Variants in NRXN3 observed in about 807,000 individuals in gnomAD.
NRXN3 encodes neurexin III.
NRXN3 carries 32 observed loss-of-function variants against 137.6 expected under a neutral mutation model. That is an observed-to-expected ratio of 0.23 (90% CI 0.18 to 0.31). The LOEUF (loss-of-function observed/expected upper bound fraction) is 0.31, where lower values mean the gene tolerates loss of function less well. Ranked by LOEUF, NRXN3 falls within the 10% of genes least tolerant of loss-of-function variation. The probability of loss-of-function intolerance (pLI) is 1.00; values close to 1 mark genes in which losing one functional copy is unlikely to be tolerated. For missense variants in NRXN3, 1,574 were observed against 2,062.5 expected (o/e 0.76, Z 4.59); for synonymous variants, 798 against 784.5 (o/e 1.02, Z -0.29).
intron 10 of NRXN3, among the ~76,000 whole-genome samples, chr14:78,939,627 T>C (rs150777): frequency 0.012 from 1,827 of 152,330 alleles, 40 homozygotes; most frequent in African/African-American, 0.042. Flanking sequence ...TGACTAGATA[T>C]ATGTTTTATC....
chr14:79,853,767 A>G, intron 20 of NRXN3: 5 of 1,036,084 alleles, frequency 4.8e-6, no homozygotes, highest in Non-Finnish European at 5.8e-6. Context: ...ATTTGTCAAA[A>G]AGACAAAAAA....
At position 78,771,490 on chromosome 14, in the gene NRXN3, C is replaced by T. The variant is rs139524214; in HGVS notation, c.2045-32130C>T. ...TGCTGAGATGTATATTTCTGATGGC[C>T]TCTTCAAGGTGCAGAGAAAGAAGAT... On this transcript the variant is annotated intron_variant, in intron 8 of 20. Coordinates refer to ENST00000335750, the MANE Select transcript of NRXN3 (RefSeq NM_001330195.2). Among the ~76,000 whole-genome samples the T allele has an allele frequency of 5.8e-4, 89 of 152,282 alleles. No individual in the cohort carries two copies. The East Asian group carries it at 0.013, about 22-fold the overall frequency.
intron 15 of NRXN3, among the ~76,000 whole-genome samples, chr14:79,465,709 T>C (rs2096412451): frequency 6.6e-6 from 1 of 152,184 alleles, no homozygotes; most frequent in African/African-American, 2.4e-5. Flanking sequence ...AGATTTTTAG[T>C]AAATGTAAAA....
At chr14:78,806,385 G>A (rs977949713) in intron 9 of NRXN3, among the ~76,000 whole-genome samples, 23 of 152,036 alleles carry the variant, frequency 1.5e-4, no homozygotes, top group Non-Finnish European at 2.8e-4. Flanking sequence ...TCTCTTTGCC[G>A]TGAATTTGTG....
chr14:78,309,337 A>T (rs2077708997), intron 4 of NRXN3, among the ~76,000 whole-genome samples: 1 of 151,504 alleles, frequency 6.6e-6, no homozygotes, highest in Non-Finnish European at 1.5e-5. Context: ...ATATGTGCAG[A>T]TTTGTTATAC....
Position 78,527,883 on chromosome 14 carries a change from A to T in NRXN3, c.758-117237A>T, listed in dbSNP as rs114846619. ...TTCTTAAAAAGATTATCATTTGCTT[A>T]TTTTCTTCCTCCTCTGTGAAGTAAA... On this transcript the variant is annotated intron_variant, in intron 4 of 20. Coordinates refer to ENST00000335750, the MANE Select transcript of NRXN3 (RefSeq NM_001330195.2). 8.4e-3 allele frequency among the ~76,000 whole-genome samples: 1,285 copies of T among 152,206 alleles called. 16 individuals carry two copies. The highest frequency in any genetic ancestry group is 0.029 in the African/African-American group (1,205 of 41,528).
At chr14:79,857,152 C>T (rs182560902) in intron 20 of NRXN3, among the ~76,000 whole-genome samples, 1 of 152,294 alleles carries the variant, frequency 6.6e-6, no homozygotes, top group Non-Finnish European at 1.5e-5. Context: ...TTGAACATTT[C>T]TCAGGGTAGT....
At chr14:78,617,629 A>C (rs562912796) in intron 4 of NRXN3, among the ~76,000 whole-genome samples, 1 of 152,008 alleles carries the variant, frequency 6.6e-6, no homozygotes, top group Non-Finnish European at 1.5e-5. Flanking sequence ...TGCACAAACA[A>C]GGAAGAAGCT....
At chr14:79,356,790 C>CGG in intron 15 of NRXN3, among the ~76,000 whole-genome samples, 1 of 152,098 alleles carries the variant, frequency 6.6e-6, no homozygotes, top group South Asian at 2.1e-4. Context: ...TGCAGTGATG[C>CGG]GATCTTGGAT....
At chr14:79,285,017 A>T (rs536338333) in intron 15 of NRXN3, among the ~76,000 whole-genome samples, 1 of 152,232 alleles carries the variant, frequency 6.6e-6, no homozygotes, top group African/African-American at 2.4e-5. Context: ...TTCACTGGTG[A>T]GTGGTGGGTC....
At chr14:78,664,260 C>G (rs2097863389) in intron 6 of NRXN3, among the ~76,000 whole-genome samples, 1 of 152,180 alleles carries the variant, frequency 6.6e-6, no homozygotes, top group African/African-American at 2.4e-5. Context: ...TTCTCTCTCT[C>G]CACCTTAAGA....
intron 10 of NRXN3, among the ~76,000 whole-genome samples, chr14:78,923,235 T>G (rs140973672): frequency 5.0e-4 from 76 of 152,350 alleles, no homozygotes; most frequent in African/African-American, 1.6e-3. Flanking sequence ...ACACTTTTTG[T>G]TGTACATCTC....
rs1019338067 is a variant in NRXN3, at chr14:79,656,540, T to A, written c.3445-7238T>A. On this transcript the variant is annotated intron_variant, in intron 16 of 20. Transcript: ENST00000335750. Reference sequence around the variant, plus strand: ...ATCTTATTTACTTGCATCGGCTGTCTTGTCCTTCCTTGCTTCTCGCCTTTT... The same window carrying A: ...ATCTTATTTACTTGCATCGGCTGTCATGTCCTTCCTTGCTTCTCGCCTTTT... 4.6e-5 allele frequency among the ~76,000 whole-genome samples: 7 copies of A among 152,238 alleles called. 1 individual carries two copies. The highest frequency in any genetic ancestry group is 4.6e-4 in the Admixed American group (7 of 15,286).
chr14:79,490,737 A>G (rs1247003499), intron 16 of NRXN3, among the ~76,000 whole-genome samples: 1 of 152,114 alleles, frequency 6.6e-6, no homozygotes, highest in African/African-American at 2.4e-5. Flanking sequence ...GAAGGAATGA[A>G]TAAAACTTAT....
At chr14:78,882,355 G>A (rs2099131561) in intron 10 of NRXN3, among the ~76,000 whole-genome samples, 1 of 151,750 alleles carries the variant, frequency 6.6e-6, no homozygotes, top group Non-Finnish European at 1.5e-5. Flanking sequence ...CTTGCATTAT[G>A]TGGCTGGAAA....
chr14:79,031,867 T>C lies in NRXN3; in HGVS notation c.3262+43726T>C, dbSNP rs148885270. Among the ~76,000 whole-genome samples the C allele has an allele frequency of 4.9e-3, 748 of 152,294 alleles. 4 individuals carry two copies. Among genetic ancestry groups the C allele is most frequent in the Non-Finnish European group, 8.3e-3 (566 of 68,002 alleles). Reference sequence around the variant, plus strand: ...CTCCAGTTTTTGTTGTTGTTGTCTGTTTGTTTAAACGTGGTGCAGGAAAAA... The same window carrying C: ...CTCCAGTTTTTGTTGTTGTTGTCTGCTTGTTTAAACGTGGTGCAGGAAAAA... On this transcript the variant is annotated intron_variant, in intron 15 of 20. Coordinates refer to ENST00000335750, the MANE Select transcript of NRXN3 (RefSeq NM_001330195.2).
chr14:78,440,594 C>G (rs1426813519), intron 4 of NRXN3, among the ~76,000 whole-genome samples: 2 of 152,096 alleles, frequency 1.3e-5, no homozygotes, highest in Non-Finnish European at 2.9e-5. Flanking sequence ...CAGGGAAGGC[C>G]AGAGTCAGTG....
intron 16 of NRXN3, among the ~76,000 whole-genome samples, chr14:79,474,014 T>A (rs1376025680): frequency 6.6e-6 from 1 of 152,172 alleles, no homozygotes; most frequent in Non-Finnish European, 1.5e-5. Flanking sequence ...ATTCCCATGA[T>A]ATTTCTATCT....
chr14:79,782,056 A>G (rs2099115494), intron 19 of NRXN3, among the ~76,000 whole-genome samples: 1 of 152,156 alleles, frequency 6.6e-6, no homozygotes. Flanking sequence ...CAACCTTTGG[A>G]TTCTTTCCAC....
Sources: allele counts gnomAD v4.1 joint callset (sites outside exome capture counted in the v4.1 genomes callset), GRCh38; gene constraint gnomAD v4.1.1; transcripts MANE v1.5; gene names NCBI Gene and HGNC (gene_info 2026-07-23, HGNC 2026-07-21).